Variants in CCDC60 observed in about 807,000 individuals in gnomAD.
The protein encoded by CCDC60 is coiled-coil domain-containing protein 60.
Under a neutral mutation model 63.5 loss-of-function variants are expected in CCDC60, and 54 were observed. The ratio of observed to expected loss-of-function variants is 0.85; its 90% CI spans 0.68 to 1.07. The LOEUF (loss-of-function observed/expected upper bound fraction) is 1.07, where lower values mean the gene tolerates loss of function less well. Ranked by LOEUF, CCDC60 falls within the 50% of genes least tolerant of loss-of-function variation. The pLI is 0.00. For synonymous variants in CCDC60, 206 were observed against 238.8 expected, an observed-to-expected ratio of 0.86 and a Z score of 1.27; for missense variants, 651 against 684.3, an observed-to-expected ratio of 0.95 and a Z score of 0.54.
chr12:119,506,665 T>C lies in CCDC60; in HGVS notation c.883+1362T>C, dbSNP rs556849251. ...GGGGGAATGGGGAAGGGAAGGAAAA[T>C]AGGAAAATTCATTGAAAGCTATGAG... On this transcript the variant is annotated intron_variant, in intron 7 of 13. Coordinates refer to ENST00000327554, the MANE Select transcript of CCDC60 (RefSeq NM_178499.5). 2.6e-5 allele frequency among the ~76,000 whole-genome samples: 4 copies of C among 151,686 alleles called. No individual in the cohort carries two copies. In the East Asian group the frequency reaches 5.8e-4, roughly 22 times the overall value.
At chr12:119,421,736 C>T (rs1174309212) in intron 1 of CCDC60, among the ~76,000 whole-genome samples, 2 of 152,138 alleles carry the variant, frequency 1.3e-5, no homozygotes, top group Admixed American at 6.5e-5. Context: ...AGTTACCTCA[C>T]TCAAGGTCAC....
chr12:119,479,879 T>G (rs552757952), intron 4 of CCDC60: 1 of 152,190 alleles, frequency 6.6e-6, no homozygotes. Flanking sequence ...TGTAGGATGT[T>G]TAGCCGCATC....
chr12:119,361,512 G>T lies in CCDC60; in HGVS notation c.90+26246G>T, dbSNP rs964203106. On this transcript the variant is annotated intron_variant, in intron 1 of 13. Transcript: ENST00000327554. ...TTTAAATTCTTCTGGCTTAGGAACA[G>T]CAGGGAAAAAAAAATAAGCTTCTCT... Among the ~76,000 whole-genome samples the T allele has an allele frequency of 2.0e-5, 3 of 151,912 alleles. No individual in the cohort carries two copies. In the South Asian group the frequency reaches 6.2e-4, roughly 31 times the overall value.
Position 119,446,511 on chromosome 12 carries a change from A to G in CCDC60, c.170+17749A>G, listed in dbSNP as rs115470772. Among the ~76,000 whole-genome samples, 408 of 152,312 alleles carry G rather than the reference A, an allele frequency of 2.7e-3. 1 individual carries two copies. Among genetic ancestry groups the G allele is most frequent in the African/African-American group, 9.2e-3 (381 of 41,566 alleles). On this transcript the variant is annotated intron_variant, in intron 2 of 13. Transcript: ENST00000327554. ...TACAACTGAACAGCCCTTTATTGGT[A>G]GCTATACAAAGATAAAAATAAAAGC...
intron 2 of CCDC60, among the ~76,000 whole-genome samples, chr12:119,463,146 C>G (rs1378405756): frequency 6.6e-6 from 1 of 152,180 alleles, no homozygotes; most frequent in Non-Finnish European, 1.5e-5. Flanking sequence ...CTGTTCTCTG[C>G]CCCTACAGAC....
intron 5 of CCDC60, among the ~76,000 whole-genome samples, 163 bp downstream of exon 5, chr12:119,489,029 C>G (rs976501712): frequency 6.6e-5 from 10 of 152,342 alleles, no homozygotes; most frequent in African/African-American, 2.2e-4. Context: ...GAACTAGAGA[C>G]AGCTTATGCA....
rs77173475 is a variant in CCDC60, at chr12:119,374,926, G to A, written c.90+39660G>A. Among the ~76,000 whole-genome samples the A allele has an allele frequency of 7.8e-3, 1,187 of 152,274 alleles. 14 individuals are homozygous for A. The highest frequency in any genetic ancestry group is 0.027 in the African/African-American group (1,132 of 41,540). ...CATTAAAATTATGAGCAGTGAGGAC[G>A]ACTAGAGGTTACTGTCATTGCCATC... is the stretch of plus-strand genomic sequence containing the variant. On this transcript the variant is annotated intron_variant, in intron 1 of 13. Transcript: ENST00000327554.
chr12:119,428,960 T>C, intron 2 of CCDC60, 198 bp downstream of exon 2: 1 of 410,242 alleles, frequency 2.4e-6, no homozygotes, highest in Non-Finnish European at 4.1e-6. Flanking sequence ...GGAGTACCCA[T>C]GCCATGCCAG....
rs763859085 is a variant in CCDC60 at position 119,540,600 on chromosome 12, T to C, written c.1552-14T>C. 2 of 1,597,130 alleles carry C rather than the reference T, an allele frequency of 1.3e-6. No individual in the cohort carries two copies. The highest frequency in any genetic ancestry group is 1.7e-6 in the Non-Finnish European group (2 of 1,165,330). Reference sequence around the variant, plus strand: ...AGAGCAAATTCTGAGATTGCCACTATGTCTGCCTCACAGTTTGTGCGAGAA... The same window carrying C: ...AGAGCAAATTCTGAGATTGCCACTACGTCTGCCTCACAGTTTGTGCGAGAA... On this transcript the variant is annotated splice_polypyrimidine_tract_variant and intron_variant, in intron 13 of 13. Coordinates refer to ENST00000327554, the MANE Select transcript of CCDC60 (RefSeq NM_178499.5).
chr12:119,468,533 C>T (rs1273907347), intron 2 of CCDC60, among the ~76,000 whole-genome samples: 1 of 152,136 alleles, frequency 6.6e-6, no homozygotes, highest in Non-Finnish European at 1.5e-5. Flanking sequence ...AAAAATTTTA[C>T]ATGAGCTGAG....
At chr12:119,382,965 G>A (rs1325267613) in intron 1 of CCDC60, among the ~76,000 whole-genome samples, 5 of 152,174 alleles carry the variant, frequency 3.3e-5, no homozygotes, top group East Asian at 1.9e-4. Context: ...TACTGATGGC[G>A]GAACCTCTTT....
intron 8 of CCDC60, among the ~76,000 whole-genome samples, chr12:119,518,953 T>TACAGAG (rs1566058106): frequency 6.6e-6 from 1 of 152,160 alleles, no homozygotes; most frequent in South Asian, 2.1e-4. Flanking sequence ...TAACCATGGT[T>TACAGAG]ACAGAGCAAG....
At chr12:119,481,405 GGGA>G (rs1160386840) in intron 4 of CCDC60, among the ~76,000 whole-genome samples, 1 of 152,074 alleles carries the variant, frequency 6.6e-6, no homozygotes, top group Non-Finnish European at 1.5e-5. Context: ...CTGGGGGTGG[GGGA>G]GAGCAGGGAG....
intron 7 of CCDC60, among the ~76,000 whole-genome samples, chr12:119,507,430 G>GTA (rs939027825): frequency 8.3e-5 from 12 of 145,132 alleles, no homozygotes; most frequent in African/African-American, 2.6e-4. Context: ...ATATATACGT[G>GTA]TATATATATA....
intron 1 of CCDC60, among the ~76,000 whole-genome samples, chr12:119,423,234 GA>G (rs1345352025): frequency 1.3e-5 from 2 of 152,146 alleles, no homozygotes; most frequent in African/African-American, 4.8e-5. Flanking sequence ...TTTAGCCATG[GA>G]AAACTCTGGG....
At chr12:119,354,261 T>C (rs997224837) in intron 1 of CCDC60, among the ~76,000 whole-genome samples, 1 of 152,200 alleles carries the variant, frequency 6.6e-6, no homozygotes, top group East Asian at 1.9e-4. Context: ...AGCCTGTTCA[T>C]TTGGACATCA....
At position 119,480,593 on chromosome 12, in the gene CCDC60, C is replaced by T. The variant is rs546551133; in HGVS notation, c.449+1392C>T. On this transcript the variant is annotated intron_variant, in intron 4 of 13. Coordinates refer to ENST00000327554, the MANE Select transcript of CCDC60 (RefSeq NM_178499.5). ...ATCATCATCACCATCATCCTCATCACCATCATCACCATCACCATCATCATC... is the reference window on the plus strand; with the variant it reads ...ATCATCATCACCATCATCCTCATCATCATCATCACCATCACCATCATCATC... Among the ~76,000 whole-genome samples, 113 of 151,588 alleles carry T rather than the reference C, an allele frequency of 7.5e-4. 1 individual carries two copies. The highest frequency in any genetic ancestry group is 2.6e-3 in the African/African-American group (107 of 41,326).
At chr12:119,409,161 G>A (rs1956548193) in intron 1 of CCDC60, among the ~76,000 whole-genome samples, 1 of 152,204 alleles carries the variant, frequency 6.6e-6, no homozygotes, top group African/African-American at 2.4e-5. Context: ...CTCCGGTGTA[G>A]GGGAAAGCAA....
At chr12:119,451,825 GATAA>G (rs1950640539) in intron 2 of CCDC60, among the ~76,000 whole-genome samples, 1 of 152,184 alleles carries the variant, frequency 6.6e-6, no homozygotes, top group South Asian at 2.1e-4. Context: ...ATTTAGATTA[GATAA>G]ATACTTACTG....
Sources: gnomAD v4.1 joint callset for allele counts (sites outside exome capture counted in the v4.1 genomes callset) on GRCh38, gnomAD v4.1.1 for gene constraint, MANE v1.5 for transcripts, NCBI Gene and HGNC (gene_info 2026-07-23, HGNC 2026-07-21) for gene names.